Variants in NLK observed in about 807,000 individuals in gnomAD.
NLK encodes the protein nemo like kinase.
Under a neutral mutation model 59.0 loss-of-function variants are expected in NLK, and 11 were observed. That is an observed-to-expected ratio of 0.19 (90% CI 0.12 to 0.31). The LOEUF (loss-of-function observed/expected upper bound fraction) is 0.31. Among genes scored for constraint, NLK ranks in the 10% least tolerant of loss-of-function variants. The pLI is 1.00. For synonymous variants in NLK, 235 were observed against 235.9 expected, an observed-to-expected ratio of 1.00 and a Z score of 0.03; for missense variants, 410 against 661.1, an observed-to-expected ratio of 0.62 and a Z score of 4.16.
At chr17:28,084,933 C>A (rs186104834) in intron 1 of NLK, among the ~76,000 whole-genome samples, 1 of 152,302 alleles carries the variant, frequency 6.6e-6, no homozygotes, top group Admixed American at 6.5e-5. Flanking sequence ...AAACACAAAT[C>A]AGTACATCAA....
At chr17:28,079,669 T>TG (rs1910278455) in intron 1 of NLK, among the ~76,000 whole-genome samples, 1 of 152,204 alleles carries the variant, frequency 6.6e-6, no homozygotes, top group African/African-American at 2.4e-5. Context: ...TTTTGCCCAT[T>TG]TTTAAAATCA....
rs768066594 is a variant in NLK, at chr17:28,185,275, G to GT, written c.1236+19dup. 2,321 of 1,469,322 alleles carry GT rather than the reference G, an allele frequency of 1.6e-3. 1 individual carries two copies. The highest frequency in any genetic ancestry group is 4.9e-3 in the Middle Eastern group (28 of 5,736). The allele number at this position is 1,469,322 out of a possible 1,614,324, so 91.0% of individuals were successfully genotyped here. On this transcript the variant is annotated intron_variant, in intron 8 of 10. Transcript: ENST00000407008. ...GTTGGTCTTTGATCCAGTAAGTAGT[G>GT]TTTTTTTTTATATATTTTTAATGAA...
chr17:28,115,406 A>T (rs1316018293), intron 1 of NLK, among the ~76,000 whole-genome samples: 1 of 152,226 alleles, frequency 6.6e-6, no homozygotes. Context: ...TAACTGATAC[A>T]ACCTTCCTGT....
chr17:28,071,864 A>G (rs1290197260), intron 1 of NLK, among the ~76,000 whole-genome samples: 1 of 152,246 alleles, frequency 6.6e-6, no homozygotes, highest in Non-Finnish European at 1.5e-5. Flanking sequence ...CCCTGCTTTC[A>G]GCATGCAGTT....
At chr17:28,204,573 T>C in the NLK span, among the ~76,000 whole-genome samples, 3 of 152,178 alleles carry the variant, frequency 2.0e-5, no homozygotes, top group African/African-American at 7.2e-5. Context: ...CAGCAAGTAT[T>C]ACTTGAACCC....
intron 1 of NLK, among the ~76,000 whole-genome samples, chr17:28,101,146 A>G (rs1904887774): frequency 6.6e-6 from 1 of 152,210 alleles, no homozygotes; most frequent in South Asian, 2.1e-4. Flanking sequence ...CTCTATGTCT[A>G]TCATTATGCC....
At chr17:28,186,145 T>C (rs1909107005) in intron 8 of NLK, among the ~76,000 whole-genome samples, 1 of 152,170 alleles carries the variant, frequency 6.6e-6, no homozygotes, top group Admixed American at 6.6e-5. Context: ...AAATACCAGA[T>C]ATTTAAAAGA....
At chr17:28,166,937 A>G (rs1908261311) in intron 5 of NLK, among the ~76,000 whole-genome samples, 1 of 152,230 alleles carries the variant, frequency 6.6e-6, no homozygotes, top group South Asian at 2.1e-4. Context: ...TGAACCCCAT[A>G]GCATTAGTAT....
chr17:28,178,086 C>T (rs1267476194), intron 7 of NLK, among the ~76,000 whole-genome samples: 1 of 152,170 alleles, frequency 6.6e-6, no homozygotes, highest in East Asian at 1.9e-4. Context: ...TCATATGTGA[C>T]CTCCTAGCTG....
At chr17:28,140,503 C>T (rs963852715) in intron 3 of NLK, among the ~76,000 whole-genome samples, 1 of 152,098 alleles carries the variant, frequency 6.6e-6, no homozygotes, top group African/African-American at 2.4e-5. Context: ...CAGTGACTGT[C>T]GTGAAAGAAG....
chr17:28,159,817 GT>G (rs1211179987), intron 3 of NLK, among the ~76,000 whole-genome samples: 1 of 152,150 alleles, frequency 6.6e-6, no homozygotes, highest in Non-Finnish European at 1.5e-5. Context: ...AAATCTAGCA[GT>G]CTTGGGCCAG....
At chr17:28,136,885 A>T (rs1906771730) in intron 3 of NLK, among the ~76,000 whole-genome samples, 1 of 150,734 alleles carries the variant, frequency 6.6e-6, no homozygotes, top group East Asian at 2.0e-4. Flanking sequence ...GATTACAGGC[A>T]TGAGCCACTG....
intron 1 of NLK, among the ~76,000 whole-genome samples, chr17:28,093,874 A>G (rs975423114): frequency 3.9e-5 from 6 of 152,208 alleles, no homozygotes; most frequent in Non-Finnish European, 8.8e-5. Context: ...GCTATTGTTA[A>G]TAATTAATGA....
intron 1 of NLK, among the ~76,000 whole-genome samples, chr17:28,076,857 G>A (rs140759606): frequency 6.6e-6 from 1 of 152,156 alleles, no homozygotes; most frequent in East Asian, 1.9e-4. Flanking sequence ...TTGGACTTTT[G>A]TATTACCATA....
intron 10 of NLK, among the ~76,000 whole-genome samples, chr17:28,193,786 C>A (rs1909393077): frequency 6.6e-6 from 1 of 152,122 alleles, no homozygotes; most frequent in South Asian, 2.1e-4. Context: ...TTCATTTCTT[C>A]CATGTATTTT....
At chr17:28,062,670 T>G (rs890086663) in intron 1 of NLK, among the ~76,000 whole-genome samples, 8 of 152,066 alleles carry the variant, frequency 5.3e-5, no homozygotes, top group Non-Finnish European at 1.2e-4. Context: ...AACCTCTGCC[T>G]CCCGGGTTCA....
intron 1 of NLK, among the ~76,000 whole-genome samples, chr17:28,102,042 A>C (rs537559291): frequency 6.6e-6 from 1 of 152,192 alleles, no homozygotes; most frequent in East Asian, 1.9e-4. Flanking sequence ...TATAGACAGC[A>C]TATGATTGGG....
At chr17:28,113,668 C>T (rs1287489316) in intron 1 of NLK, among the ~76,000 whole-genome samples, 1 of 152,132 alleles carries the variant, frequency 6.6e-6, no homozygotes, top group Non-Finnish European at 1.5e-5. Flanking sequence ...CCTGTTTTAC[C>T]AGCACGGTCT....
chr17:28,069,439 ATTTAAC>A (rs1909936655), intron 1 of NLK, among the ~76,000 whole-genome samples: 1 of 152,190 alleles, frequency 6.6e-6, no homozygotes, highest in Non-Finnish European at 1.5e-5. Context: ...GTACATATAT[ATTTAAC>A]TTTATTAAGA....
Sources: gnomAD v4.1 joint callset for allele counts (sites outside exome capture counted in the v4.1 genomes callset) on GRCh38, gnomAD v4.1.1 for gene constraint, MANE v1.5 for transcripts, NCBI Gene and HGNC (gene_info 2026-07-23, HGNC 2026-07-21) for gene names.